TEX2: variants seen among roughly 807,000 people sequenced by gnomAD.
The protein encoded by TEX2 is testis expressed 2, also known as testis-expressed protein 2.
Under a neutral mutation model 106.9 loss-of-function variants are expected in TEX2, and 53 were observed. The observed-to-expected ratio is 0.50, with a 90% CI of 0.40 to 0.62. The LOEUF is 0.62. TEX2 is among the 20% of genes least tolerant of loss of function. The pLI is 0.00. For synonymous variants in TEX2, 523 were observed against 534.8 expected, an observed-to-expected ratio of 0.98 and a Z score of 0.30; for missense variants, 1,207 against 1,379.0, an observed-to-expected ratio of 0.88 and a Z score of 1.98.
chr17:64,164,481 T>A (rs1358628028), intron 7 of TEX2, among the ~76,000 whole-genome samples: 2 of 150,840 alleles, frequency 1.3e-5, no homozygotes, highest in Non-Finnish European at 2.9e-5. Flanking sequence ...CGAGTGACAA[T>A]GTAGTAAGAC....
intron 1 of TEX2, among the ~76,000 whole-genome samples, chr17:64,237,971 G>A (rs8070545): frequency 0.54 from 82,710 of 151,964 alleles, 24,225 homozygotes; most frequent in East Asian, 0.83. Context: ...TAAAAGTCAC[G>A]AACTTCTAAC....
chr17:64,163,239 C>A (rs758366904), intron 7 of TEX2, among the ~76,000 whole-genome samples: 9 of 152,158 alleles, frequency 5.9e-5, no homozygotes, highest in Non-Finnish European at 1.0e-4. Context: ...ATCCTCCCAC[C>A]ACAGCCTCCT....
At chr17:64,225,145 G>A (rs1215299399) in intron 1 of TEX2, among the ~76,000 whole-genome samples, 1 of 151,868 alleles carries the variant, frequency 6.6e-6, no homozygotes, top group Admixed American at 6.6e-5. Flanking sequence ...TTAGAAGGAG[G>A]ATATGCAGAG....
intron 10 of TEX2, 60 bp downstream of exon 10, chr17:64,152,885 G>A: frequency 6.5e-7 from 1 of 1,540,392 alleles, no homozygotes; most frequent in Non-Finnish European, 8.9e-7. Flanking sequence ...AGCAGGCTGG[G>A]ATTTCTGTGG....
rs768614483 is a variant in TEX2 at position 64,160,954 on chromosome 17, CAGA to C, written c.2672-24_2672-22del. ...GAGTCCTGGAGAAATGGTGAAAAAA[CAGA>C]AGGTTTTTTTCCCTCAAAAAAACAC... On this transcript the variant is annotated intron_variant, in intron 7 of 11. Coordinates refer to ENST00000584379, the MANE Select transcript of TEX2 (RefSeq NM_001288732.2). The C allele has an allele frequency of 3.1e-6, 5 of 1,601,626 alleles. No homozygotes were observed. In the South Asian group the frequency reaches 4.5e-5, roughly 15 times the overall value.
At chr17:64,160,353 T>C (rs1044940652) in intron 8 of TEX2, among the ~76,000 whole-genome samples, 3 of 152,240 alleles carry the variant, frequency 2.0e-5, no homozygotes, top group Admixed American at 6.5e-5. Context: ...AAAACACTTT[T>C]AGGAGCACCC....
intron 1 of TEX2, among the ~76,000 whole-genome samples, chr17:64,219,672 T>A (rs1014567790): frequency 6.6e-5 from 10 of 151,366 alleles, no homozygotes; most frequent in African/African-American, 2.4e-4. Context: ...AAAAGGCAGA[T>A]GGAAAGAGAA....
Position 64,240,786 on chromosome 17 carries a change from T to G in TEX2, c.-26+22382A>C, listed in dbSNP as rs75077226. Among the ~76,000 whole-genome samples the G allele has an allele frequency of 5.3e-3, 803 of 151,942 alleles. 11 individuals are homozygous for G. The highest frequency in any genetic ancestry group is 0.018 in the African/African-American group (742 of 41,388). ...AAGCAAGGCAAGAGTAACAATAGGG[T>G]ATTGTGGGGATTAAAGGAAGATGTA... On this transcript the variant is annotated intron_variant, in intron 1 of 11. Coordinates refer to ENST00000584379, the MANE Select transcript of TEX2 (RefSeq NM_001288732.2).
Position 64,154,971 on chromosome 17 carries a change from G to C in TEX2, c.2805-4C>G. 6.4e-7 allele frequency: 1 copy of C among 1,573,030 alleles called. No homozygotes were observed. The highest frequency in any genetic ancestry group is 8.6e-7 in the Non-Finnish European group (1 of 1,163,358). ...ACAGAATGCCCGGGGCCTGCAACTG[G>C]ACAGAGAGAGAGTCACCACCACTGC... is the stretch of plus-strand genomic sequence containing the variant. On this transcript the variant is annotated splice_region_variant and splice_polypyrimidine_tract_variant and intron_variant, in intron 8 of 11. Coordinates refer to ENST00000584379, the MANE Select transcript of TEX2 (RefSeq NM_001288732.2).
At chr17:64,176,798 G>C (rs919963854) in intron 6 of TEX2, among the ~76,000 whole-genome samples, 4 of 152,190 alleles carry the variant, frequency 2.6e-5, no homozygotes, top group African/African-American at 9.6e-5. Context: ...GCTTGAGAGG[G>C]AGCACAGCCT....
At chr17:64,230,875 G>A (rs1339775228) in intron 1 of TEX2, 1 of 152,218 alleles carries the variant, frequency 6.6e-6, no homozygotes, top group East Asian at 1.9e-4. Context: ...CTTGGCAACT[G>A]TTAAAGTCAA....
At chr17:64,212,343 T>G (rs554639224) in intron 2 of TEX2, among the ~76,000 whole-genome samples, 1 of 152,324 alleles carries the variant, frequency 6.6e-6, no homozygotes, top group East Asian at 1.9e-4. Context: ...CACTATTCTC[T>G]AGAGTCACAG....
chr17:64,153,303 A>G lies in TEX2; in HGVS notation c.2931-149T>C. 1.6e-6 allele frequency: 1 copy of G among 630,556 alleles called. No individual in the cohort carries two copies. The highest frequency in any genetic ancestry group is 1.9e-5 in the South Asian group (1 of 51,296). 39.1% of individuals were successfully genotyped at this position (630,556 alleles called of 1,614,324 possible). A position where few individuals can be genotyped will look rare whatever the true frequency, so the allele number is the denominator to read the frequency against. On this transcript the variant is annotated intron_variant, in intron 9 of 11. Coordinates refer to ENST00000584379, the MANE Select transcript of TEX2 (RefSeq NM_001288732.2). This position sits in a 1 kb window ranked among gnomAD's most constrained non-coding sequence, Gnocchi z 4.1. ...TGTTGGGGCGGGGGGCATCCTGTGC[A>G]TTGCAGGGTGTTCAGCAGCATCCCT...
chr17:64,209,302 CA>C (rs1169428303), intron 2 of TEX2, among the ~76,000 whole-genome samples: 1 of 152,210 alleles, frequency 6.6e-6, no homozygotes, highest in African/African-American at 2.4e-5. Flanking sequence ...TAGCTTGTAA[CA>C]GACAGCATAT....
chr17:64,194,583 A>G (rs2032404374), intron 3 of TEX2, among the ~76,000 whole-genome samples: 1 of 152,242 alleles, frequency 6.6e-6, no homozygotes, highest in African/African-American at 2.4e-5. Flanking sequence ...TTAGCTTTTA[A>G]AGGCAGAATT....
chr17:64,234,606 T>C (rs1555634917), intron 1 of TEX2, among the ~76,000 whole-genome samples: 1 of 152,204 alleles, frequency 6.6e-6, no homozygotes, highest in Admixed American at 6.5e-5. Flanking sequence ...GCAGCCTCAC[T>C]GGGTCTGGAT....
intron 6 of TEX2, among the ~76,000 whole-genome samples, chr17:64,174,796 G>A (rs1417362647): frequency 6.6e-6 from 1 of 152,238 alleles, no homozygotes; most frequent in East Asian, 1.9e-4. Context: ...TATCTGAGCA[G>A]CTGGCTAAGG....
chr17:64,239,469 T>C (rs1032457423), intron 1 of TEX2, among the ~76,000 whole-genome samples: 1 of 152,224 alleles, frequency 6.6e-6, no homozygotes, highest in East Asian at 1.9e-4. Context: ...AAAATACAAA[T>C]GTTTGTTTTC....
At chr17:64,210,959 A>T (rs899362028) in intron 2 of TEX2, among the ~76,000 whole-genome samples, 4 of 151,376 alleles carry the variant, frequency 2.6e-5, no homozygotes, top group Non-Finnish European at 4.4e-5. Flanking sequence ...TACTTATTTT[A>T]TTATTATTAT....
Sources: allele counts gnomAD v4.1 joint callset (sites outside exome capture counted in the v4.1 genomes callset), GRCh38; gene constraint gnomAD v4.1.1; non-coding constraint Gnocchi (gnomAD v3.1); transcripts MANE v1.5; gene names NCBI Gene and HGNC (gene_info 2026-07-23, HGNC 2026-07-21).